Variants in AEBP2 observed in about 807,000 individuals in gnomAD.
AEBP2 encodes AE binding protein 2.
AEBP2 carries 10 observed loss-of-function variants against 50.8 expected under a neutral mutation model. That is an observed-to-expected ratio of 0.20 (90% CI 0.12 to 0.33). AEBP2 has a LOEUF of 0.33. Among genes scored for constraint, AEBP2 ranks in the 10% least tolerant of loss-of-function variants. The pLI, the probability that AEBP2 is intolerant of heterozygous loss-of-function variation, is 1.00. For synonymous variants in AEBP2, 296 were observed against 261.3 expected (o/e 1.13, Z -1.28); for missense variants, 570 against 688.0 (o/e 0.83, Z 1.92).
intron 5 of AEBP2, chr12:19,508,998 A>T: frequency 7.5e-5 from 39 of 523,126 alleles, no homozygotes; most frequent in Middle Eastern, 5.6e-4. Flanking sequence ...AGAGTTGTTT[A>T]CCTTTTTACT....
intron 1 of AEBP2, among the ~76,000 whole-genome samples, chr12:19,425,969 C>T (rs2095748334): frequency 6.6e-6 from 1 of 152,002 alleles, no homozygotes; most frequent in Non-Finnish European, 1.5e-5. Context: ...CAGGGTCTTG[C>T]TCTGTTTCCC....
At chr12:19,495,896 A>G (rs934779179) in intron 4 of AEBP2, among the ~76,000 whole-genome samples, 2 of 152,140 alleles carry the variant, frequency 1.3e-5, no homozygotes, top group Admixed American at 6.5e-5. Flanking sequence ...AACGTTGGCT[A>G]TTTATGGTAC....
chr12:19,521,528 A>T lies in AEBP2; in HGVS notation c.*3411A>T, dbSNP rs984651293. 6.6e-6 allele frequency: 1 copy of T among 152,116 alleles called. No homozygotes were observed. Among genetic ancestry groups the T allele is most frequent in the East Asian group, 1.9e-4 (1 of 5,200 alleles). 9.4% of individuals were successfully genotyped at this position (152,116 alleles called of 1,614,324 possible). A position where few individuals can be genotyped will look rare whatever the true frequency, so the allele number is the denominator to read the frequency against. ...AATAGTGTAAAATTTAAAATTTTTT[A>T]TATTTCTAATAAACTTTTTATATAT... On this transcript the variant is annotated 3_prime_UTR_variant, in exon 8 of 8. Coordinates refer to ENST00000266508, the MANE Select transcript of AEBP2 (RefSeq NM_153207.5).
At chr12:19,447,532 C>T (rs937069384) in intron 1 of AEBP2, among the ~76,000 whole-genome samples, 10 of 152,176 alleles carry the variant, frequency 6.6e-5, no homozygotes, top group African/African-American at 2.4e-4. Context: ...CAGACACAAC[C>T]GTCACTAGAA....
chr12:19,439,464 GC>G (rs1947899179), upstream of AEBP2, among the ~76,000 whole-genome samples: 1 of 151,564 alleles, frequency 6.6e-6, no homozygotes, highest in East Asian at 1.9e-4. Flanking sequence ...GGGAGGTGCT[GC>G]CTCGTGCCGC....
intron 1 of AEBP2, among the ~76,000 whole-genome samples, chr12:19,455,049 C>T (rs985079881): frequency 6.6e-6 from 1 of 151,144 alleles, no homozygotes; most frequent in Non-Finnish European, 1.5e-5. Flanking sequence ...GTCATCCAGG[C>T]TGGAGTGCAG....
At chr12:19,469,026 G>A (rs1211060496) in intron 2 of AEBP2, among the ~76,000 whole-genome samples, 6 of 152,172 alleles carry the variant, frequency 3.9e-5, no homozygotes, top group African/African-American at 1.4e-4. Flanking sequence ...CCAGGTTCAA[G>A]CGATCCTCCT....
intron 5 of AEBP2, among the ~76,000 whole-genome samples, chr12:19,506,314 G>C (rs1465240956): frequency 6.6e-6 from 1 of 151,978 alleles, no homozygotes; most frequent in Non-Finnish European, 1.5e-5. Flanking sequence ...TGGCCAGGCT[G>C]GTCTCGAACT....
At chr12:19,413,509 A>G in intron 1 of AEBP2, 1 of 815,574 alleles carries the variant, frequency 1.2e-6, no homozygotes, top group Non-Finnish European at 2.2e-6. Flanking sequence ...TCTAGGACAG[A>G]AGTTAAGATC....
intron 1 of AEBP2, among the ~76,000 whole-genome samples, chr12:19,458,033 A>C (rs1948302703): frequency 6.6e-6 from 1 of 152,272 alleles, no homozygotes; most frequent in African/African-American, 2.4e-5. Context: ...AGGAGAATTA[A>C]CTGTGTGAAA....
intron 3 of AEBP2, among the ~76,000 whole-genome samples, chr12:19,484,567 G>T (rs1417324870): frequency 1.3e-5 from 2 of 151,940 alleles, no homozygotes; most frequent in African/African-American, 4.8e-5. Flanking sequence ...TAGAAACGGG[G>T]TTTCACCATG....
At chr12:19,418,725 A>G (rs527715867) in intron 1 of AEBP2, among the ~76,000 whole-genome samples, 3 of 151,942 alleles carry the variant, frequency 2.0e-5, no homozygotes, top group African/African-American at 4.8e-5. Context: ...TAACCCAACT[A>G]CCTTGGGCAT....
rs1298548782 is a variant in AEBP2 at position 19,518,304 on chromosome 12, G to A, written c.*187G>A. The A allele has an allele frequency of 5.4e-5, 70 of 1,287,014 alleles. No homozygotes were observed. In the East Asian group the frequency reaches 1.9e-3, roughly 36 times the overall value. 79.7% of individuals were successfully genotyped at this position (1,287,014 alleles called of 1,614,324 possible). A position where few individuals can be genotyped will look rare whatever the true frequency, so the allele number is the denominator to read the frequency against. ...ATTCTGTGAATGAAGTAGACTCTTC[G>A]GTGGAATATATTAATATATTACTGT... On this transcript the variant is annotated 3_prime_UTR_variant, in exon 8 of 8. Transcript: ENST00000266508.
intron 4 of AEBP2, among the ~76,000 whole-genome samples, chr12:19,497,424 T>C (rs1393360117): frequency 7.1e-6 from 1 of 140,250 alleles, no homozygotes; most frequent in Non-Finnish European, 1.5e-5. Context: ...CAACCTGTAA[T>C]GTTAGGTTGT....
intron 1 of AEBP2, among the ~76,000 whole-genome samples, chr12:19,422,615 G>A (rs1318839627): frequency 6.6e-6 from 1 of 151,844 alleles, no homozygotes; most frequent in Non-Finnish European, 1.5e-5. Flanking sequence ...TCCTGCCTCA[G>A]CCTCCTGAGT....
chr12:19,432,473 C>T (rs1348494035), intron 1 of AEBP2, among the ~76,000 whole-genome samples: 1 of 152,094 alleles, frequency 6.6e-6, no homozygotes, highest in Non-Finnish European at 1.5e-5. Context: ...TTGGGCGGAT[C>T]GCTTGAACTT....
At chr12:19,454,813 C>T (rs1416852525) in intron 1 of AEBP2, among the ~76,000 whole-genome samples, 2 of 152,074 alleles carry the variant, frequency 1.3e-5, no homozygotes, top group East Asian at 3.9e-4. Flanking sequence ...CAAGGAGGAG[C>T]TACAACACAA....
intron 4 of AEBP2, among the ~76,000 whole-genome samples, chr12:19,496,160 CTT>C (rs200207986): frequency 0.021 from 3,272 of 152,270 alleles, 41 homozygotes; most frequent in East Asian, 0.043. Context: ...ATTCGCTACT[CTT>C]TGTCTTGTAA....
chr12:19,513,128 T>C (rs1565738941), intron 6 of AEBP2, among the ~76,000 whole-genome samples: 1 of 152,176 alleles, frequency 6.6e-6, no homozygotes, highest in Non-Finnish European at 1.5e-5. Flanking sequence ...GCATTTTTAG[T>C]GACCTCCAAG....
Sources: allele counts gnomAD v4.1 joint callset (sites outside exome capture counted in the v4.1 genomes callset), GRCh38; gene constraint gnomAD v4.1.1; transcripts MANE v1.5; gene names NCBI Gene and HGNC (gene_info 2026-07-23, HGNC 2026-07-21).